Variants in ST6GAL1 observed in about 807,000 individuals in gnomAD.
ST6GAL1 encodes beta-galactoside alpha-2,6-sialyltransferase 1.
A neutral mutation model predicts 38.0 loss-of-function variants in ST6GAL1; 20 were observed. That is an observed-to-expected ratio of 0.53 (90% CI 0.37 to 0.77). The LOEUF is 0.77. ST6GAL1 is among the 30% of genes least tolerant of loss of function. ST6GAL1 has a pLI of 0.00. For synonymous variants in ST6GAL1, 196 were observed against 188.2 expected, an observed-to-expected ratio of 1.04 and a Z score of -0.34; for missense variants, 432 against 496.4, an observed-to-expected ratio of 0.87 and a Z score of 1.23.
chr3:187,028,606 C>T (rs1717627821), intron 2 of ST6GAL1, among the ~76,000 whole-genome samples: 1 of 152,136 alleles, frequency 6.6e-6, no homozygotes, highest in Admixed American at 6.5e-5. Flanking sequence ...ACAAAATTAA[C>T]AATAATTTCT....
intron 4 of ST6GAL1, among the ~76,000 whole-genome samples, chr3:187,050,820 G>A (rs564916021): frequency 2.9e-4 from 44 of 152,222 alleles, no homozygotes; most frequent in African/African-American, 8.4e-4. Context: ...TGCACTTGTG[G>A]GATACACTGA....
intron 5 of ST6GAL1, among the ~76,000 whole-genome samples, chr3:187,059,431 C>T (rs764306130): frequency 6.6e-6 from 1 of 152,204 alleles, no homozygotes; most frequent in Non-Finnish European, 1.5e-5. Flanking sequence ...ACTAAAACCT[C>T]ATCTCCACTT....
At chr3:186,957,088 G>A (rs970034542) in intron 1 of ST6GAL1, among the ~76,000 whole-genome samples, 5 of 152,216 alleles carry the variant, frequency 3.3e-5, no homozygotes, top group African/African-American at 4.8e-5. Flanking sequence ...GAATAAATCA[G>A]TAGAGGGTTT....
intron 5 of ST6GAL1, among the ~76,000 whole-genome samples, chr3:187,059,675 T>A (rs758227705): frequency 6.6e-6 from 1 of 152,164 alleles, no homozygotes; most frequent in Non-Finnish European, 1.5e-5. Context: ...TTGTGAGGTG[T>A]AAATAAGAAA....
chr3:186,989,755 C>T (rs1716088834), intron 2 of ST6GAL1, among the ~76,000 whole-genome samples: 1 of 152,186 alleles, frequency 6.6e-6, no homozygotes, highest in Non-Finnish European at 1.5e-5. Context: ...TTCCAAGGTG[C>T]CCACCAGGTA....
At chr3:187,065,594 C>A (rs546437927) in intron 5 of ST6GAL1, among the ~76,000 whole-genome samples, 24 of 152,294 alleles carry the variant, frequency 1.6e-4, no homozygotes, top group African/African-American at 5.8e-4. Flanking sequence ...TGAGACTCAA[C>A]TCAGTACCTC....
At chr3:186,995,958 T>C (rs1221123743) in intron 2 of ST6GAL1, among the ~76,000 whole-genome samples, 1 of 152,224 alleles carries the variant, frequency 6.6e-6, no homozygotes, top group Non-Finnish European at 1.5e-5. Flanking sequence ...TGTCTCTGTA[T>C]AGGTAGACAC....
At chr3:187,018,868 C>T (rs1220360468) in intron 2 of ST6GAL1, among the ~76,000 whole-genome samples, 1 of 152,190 alleles carries the variant, frequency 6.6e-6, no homozygotes, top group Non-Finnish European at 1.5e-5. Context: ...CTCCACAAAC[C>T]AGAGTCCCTT....
chr3:187,024,416 C>A (rs28599935), intron 2 of ST6GAL1, among the ~76,000 whole-genome samples: 1 of 120,360 alleles, frequency 8.3e-6, no homozygotes, highest in African/African-American at 3.3e-5. Context: ...TATATATATA[C>A]ACACACACAT....
Position 186,936,939 on chromosome 3 carries a change from CAAAAA to C in ST6GAL1, c.-325+6124_-325+6128del, listed in dbSNP as rs60914982. 6.8e-4 allele frequency among the ~76,000 whole-genome samples: 60 copies of C among 87,960 alleles called. No individual in the cohort carries two copies. The Admixed American group carries it at 7.9e-3, about 12-fold the overall frequency. 57.7% of individuals were successfully genotyped at this position (87,960 alleles called of 152,430 possible). ...CCTGGGTGACAGAGCAAGACTGTCT[CAAAAA>C]AAAAAAAAAAAAAAAAAAGAAAAAG... On this transcript the variant is annotated intron_variant, in intron 1 of 7. Coordinates refer to ENST00000169298, the MANE Select transcript of ST6GAL1 (RefSeq NM_173216.2).
chr3:187,059,886 A>C (rs1245791332), intron 5 of ST6GAL1, among the ~76,000 whole-genome samples: 3 of 152,248 alleles, frequency 2.0e-5, no homozygotes, highest in Admixed American at 2.0e-4. Context: ...AGAGTGGTCA[A>C]GGTACTAGGA....
chr3:187,016,753 C>T (rs1717129908), intron 2 of ST6GAL1, among the ~76,000 whole-genome samples: 1 of 152,198 alleles, frequency 6.6e-6, no homozygotes, highest in African/African-American at 2.4e-5. Flanking sequence ...TGATGTGGGC[C>T]AAGAGCAGAA....
chr3:187,036,299 G>A (rs1340440536), intron 2 of ST6GAL1, among the ~76,000 whole-genome samples: 2 of 152,162 alleles, frequency 1.3e-5, no homozygotes, highest in Non-Finnish European at 2.9e-5. Context: ...CACTGTTGTT[G>A]AGAATGTTAA....
intron 2 of ST6GAL1, among the ~76,000 whole-genome samples, chr3:186,968,642 T>G (rs562948087): frequency 2.0e-5 from 3 of 151,486 alleles, no homozygotes; most frequent in African/African-American, 7.2e-5. Context: ...CAGCATGCAT[T>G]TTTTTTTCAT....
At chr3:186,933,366 A>G (rs1037665790) in intron 1 of ST6GAL1, among the ~76,000 whole-genome samples, 9 of 152,186 alleles carry the variant, frequency 5.9e-5, no homozygotes, top group South Asian at 2.1e-4. Flanking sequence ...TCAACACTCA[A>G]TAAAATTCTT....
intron 2 of ST6GAL1, among the ~76,000 whole-genome samples, chr3:186,981,545 G>A (rs1051847195): frequency 5.3e-5 from 8 of 152,190 alleles, no homozygotes; most frequent in African/African-American, 1.7e-4. Flanking sequence ...ATCTAGATCC[G>A]CTGTCATGCC....
At chr3:187,024,493 T>TATATAGAGAG (rs1275438498) in intron 2 of ST6GAL1, among the ~76,000 whole-genome samples, 2 of 85,800 alleles carry the variant, frequency 2.3e-5, no homozygotes, top group South Asian at 3.5e-4. Context: ...TATATATATA[T>TATATAGAGAG]AGAGAGAGAG....
At chr3:187,059,043 C>A (rs1239538137) in intron 5 of ST6GAL1, among the ~76,000 whole-genome samples, 1 of 152,042 alleles carries the variant, frequency 6.6e-6, no homozygotes, top group African/African-American at 2.4e-5. Context: ...GAAAGATGGG[C>A]AGGACTTGGG....
At chr3:187,010,998 T>C (rs996901647) in intron 2 of ST6GAL1, among the ~76,000 whole-genome samples, 8 of 152,346 alleles carry the variant, frequency 5.3e-5, no homozygotes, top group Non-Finnish European at 8.8e-5. Flanking sequence ...AGCTGTCTCT[T>C]GGCCGCCGGC....
Sources: allele counts gnomAD v4.1 joint callset (sites outside exome capture counted in the v4.1 genomes callset), GRCh38; gene constraint gnomAD v4.1.1; transcripts MANE v1.5; gene names NCBI Gene and HGNC (gene_info 2026-07-23, HGNC 2026-07-21).